The following SLC6A4 variants were observed in gnomAD, a reference collection of about 807,000 sequenced individuals.
The protein encoded by SLC6A4 is solute carrier family 6 member 4, also known as sodium-dependent serotonin transporter.
A neutral mutation model predicts 73.4 loss-of-function variants in SLC6A4; 22 were observed. That is an observed-to-expected ratio of 0.30 (90% CI 0.21 to 0.43). The LOEUF (loss-of-function observed/expected upper bound fraction) is 0.43. Ranked by LOEUF, SLC6A4 falls within the 20% of genes least tolerant of loss-of-function variation. The pLI is 1.00. For synonymous variants in SLC6A4, 270 were observed against 315.5 expected, an observed-to-expected ratio of 0.86 and a Z score of 1.53; for missense variants, 593 against 808.5, an observed-to-expected ratio of 0.73 and a Z score of 3.23.
At chr17:30,222,936 G>T (rs991792265) in intron 1 of SLC6A4, 21 bp from the exon 2 acceptor site, 3 of 876,090 alleles carry the variant, frequency 3.4e-6, no homozygotes, top group Middle Eastern at 2.6e-4. Flanking sequence ...GAGTGTGCAG[G>T]TTACTGATGC....
In SLC6A4 at chr17:30,214,422, C is replaced by CCAA; in HGVS notation, c.1076+1188_1076+1189insTTG. ...GGACAACAAGAGCGAAACTCCGTCT[C>CCAA]AAAAAAAAAAAAAAAAAAAGAAAAG... On this transcript the variant is annotated intron_variant, in intron 8 of 14. Coordinates refer to ENST00000650711, the MANE Select transcript of SLC6A4 (RefSeq NM_001045.6). Among the ~76,000 whole-genome samples, 3 of 79,492 alleles carry CCAA rather than the reference C, an allele frequency of 3.8e-5. No homozygotes were observed. The South Asian group carries it at 1.7e-3, about 44-fold the overall frequency. 52.1% of individuals were successfully genotyped at this position (79,492 alleles called of 152,430 possible). A position where few individuals can be genotyped will look rare whatever the true frequency, so the allele number is the denominator to read the frequency against.
chr17:30,223,709 G>C (rs1447431508), intron 1 of SLC6A4, among the ~76,000 whole-genome samples: 7 of 152,156 alleles, frequency 4.6e-5, no homozygotes, highest in Admixed American at 4.6e-4. Flanking sequence ...GTCTTGGGCT[G>C]TACCGCACTT....
intron 7 of SLC6A4, among the ~76,000 whole-genome samples, 179 bp from the exon 8 acceptor site, chr17:30,215,893 A>G (rs1312469096): frequency 6.6e-6 from 1 of 152,168 alleles, no homozygotes; most frequent in Non-Finnish European, 1.5e-5. Context: ...TTCTCTTCCT[A>G]TGATTCAGGC....
chr17:30,201,299 C>T (rs1434284919), intron 14 of SLC6A4, among the ~76,000 whole-genome samples: 2 of 152,168 alleles, frequency 1.3e-5, no homozygotes, highest in Admixed American at 6.5e-5. Context: ...TGGTCCTCAC[C>T]GACAGGGGTG....
chr17:30,217,051 G>T, intron 6 of SLC6A4, 115 bp downstream of exon 6: 1 of 904,026 alleles, frequency 1.1e-6, no homozygotes, highest in Non-Finnish European at 1.7e-6. Context: ...GGTGCATCAT[G>T]GAATGTGTTT....
chr17:30,231,003 C>T lies in SLC6A4; in HGVS notation c.-221+4610G>A, dbSNP rs148719495. On this transcript the variant is annotated intron_variant, in intron 1 of 14. Coordinates refer to ENST00000650711, the MANE Select transcript of SLC6A4 (RefSeq NM_001045.6). ...TCTCAGATATGCACTGAGATGAGAG[C>T]AAGAAAAACTTTCTGACCCCTAGTT... is the stretch of plus-strand genomic sequence containing the variant. Among the ~76,000 whole-genome samples the T allele has an allele frequency of 3.2e-3, 484 of 152,180 alleles. 2 individuals are homozygous for T. The highest frequency in any genetic ancestry group is 5.7e-3 in the Non-Finnish European group (390 of 68,010).
intron 1 of SLC6A4, among the ~76,000 whole-genome samples, chr17:30,230,833 G>C (rs1336310849): frequency 6.6e-6 from 1 of 152,148 alleles, no homozygotes; most frequent in East Asian, 1.9e-4. Context: ...TCAGCCACAA[G>C]GTGTTTGGAG....
At chr17:30,231,485 T>C (rs1597647870) in intron 1 of SLC6A4, among the ~76,000 whole-genome samples, 2 of 151,626 alleles carry the variant, frequency 1.3e-5, no homozygotes, top group East Asian at 3.9e-4. Flanking sequence ...ATATAGTGTG[T>C]ATATATATCT....
chr17:30,231,187 T>C (rs886493066), intron 1 of SLC6A4, among the ~76,000 whole-genome samples: 5 of 152,094 alleles, frequency 3.3e-5, no homozygotes, highest in Non-Finnish European at 7.4e-5. Context: ...AGGTCCTTGT[T>C]TGTTGGAAAT....
intron 3 of SLC6A4, 106 bp from the exon 4 acceptor site, chr17:30,219,037 G>A: frequency 1.4e-6 from 2 of 1,398,210 alleles, no homozygotes; most frequent in Middle Eastern, 2.5e-4. Flanking sequence ...TGAGTGTCAG[G>A]AGCCACCCTG....
chr17:30,214,999 C>CCTTT (rs1395281409), intron 8 of SLC6A4, among the ~76,000 whole-genome samples: 3,453 of 27,402 alleles, frequency 0.13, 151 homozygotes, highest in African/African-American at 0.25. Context: ...TTCCTTCCTT[C>CCTTT]CTTTCTTTCT....
In SLC6A4 at chr17:30,221,626, C is replaced by A. The variant is rs778131401; in HGVS notation, c.333G>T (p.Gln111His). 6.2e-7 allele frequency: 1 copy of A among 1,613,198 alleles called. No homozygotes were observed. The highest frequency in any genetic ancestry group is 8.5e-7 in the Non-Finnish European group (1 of 1,179,188). The change falls in exon 3 of 15, where the codon CAG becomes CAT. Residue 111 changes from glutamine to histidine, a missense_variant. Transcript: ENST00000650711. ...NVWRFPYICY[Q>H]NGGGAFLLPY... Reference sequence around the variant, plus strand: ...GCCTGTGATACTGACCCCCTCCATTCTGGTAACATATGTAGGGGAAGCGCC... The same window carrying A: ...GCCTGTGATACTGACCCCCTCCATTATGGTAACATATGTAGGGGAAGCGCC...
At position 30,211,210 on chromosome 17, in the gene SLC6A4, C is replaced by A; in HGVS notation, c.1317+102G>T. The A allele has an allele frequency of 1.3e-6, 1 of 759,020 alleles. No homozygotes were observed. Among genetic ancestry groups the A allele is most frequent in the South Asian group, 1.7e-5 (1 of 60,280 alleles). 47.0% of individuals were successfully genotyped at this position (759,020 alleles called of 1,614,324 possible). A position where few individuals can be genotyped will look rare whatever the true frequency, so the allele number is the denominator to read the frequency against. ...GAGCACCAGAAGGGAGTAGCCAAAG[C>A]TGCCTGGGATGGCCAGGGATGGGAG... On this transcript the variant is annotated intron_variant, in intron 10 of 14. Coordinates refer to ENST00000650711, the MANE Select transcript of SLC6A4 (RefSeq NM_001045.6). This position sits in a 1 kb window ranked among gnomAD's most constrained non-coding sequence, Gnocchi z 4.0.
intron 8 of SLC6A4, among the ~76,000 whole-genome samples, chr17:30,213,443 C>T (rs899766048): frequency 2.6e-5 from 4 of 151,804 alleles, no homozygotes; most frequent in Admixed American, 1.3e-4. Flanking sequence ...GCTGGGATTA[C>T]AGGCGCCCAC....
chr17:30,218,107 C>T lies in SLC6A4; in HGVS notation c.698+11G>A, dbSNP rs140699. 1.6e-3 allele frequency: 2,638 copies of T among 1,611,630 alleles called. 12 individuals are homozygous for T. The highest frequency in any genetic ancestry group is 5.6e-3 in the Middle Eastern group (34 of 6,038). On this transcript the variant is annotated intron_variant, in intron 5 of 14. Coordinates refer to ENST00000650711, the MANE Select transcript of SLC6A4 (RefSeq NM_001045.6). The stretch of plus-strand genomic sequence containing the variant: ...CCCTAACAGGCCAACCCCTCACTTA[C>T]GTGCACTTACGTGTAAAATTCTTCA...
chr17:30,204,314 T>C (rs1906124028), intron 13 of SLC6A4: 1 of 152,202 alleles, frequency 6.6e-6, no homozygotes, highest in African/African-American at 2.4e-5. Flanking sequence ...TTTCTTTGTC[T>C]GCAGGTAATA....
At chr17:30,224,935 G>C (rs182449759) in intron 1 of SLC6A4, among the ~76,000 whole-genome samples, 1 of 152,208 alleles carries the variant, frequency 6.6e-6, no homozygotes, top group East Asian at 1.9e-4. Flanking sequence ...AGAGTAATAC[G>C]CTGTTTCTAT....
chr17:30,216,957 C>T (rs1906596959), intron 6 of SLC6A4, among the ~76,000 whole-genome samples: 1 of 152,166 alleles, frequency 6.6e-6, no homozygotes, highest in Non-Finnish European at 1.5e-5. Context: ...ACCTCAGCCT[C>T]CCAAAGTGCT....
At chr17:30,230,739 T>C (rs1342151497) in intron 1 of SLC6A4, among the ~76,000 whole-genome samples, 1 of 150,814 alleles carries the variant, frequency 6.6e-6, no homozygotes, top group African/African-American at 2.4e-5. Flanking sequence ...GAAGGAGAGG[T>C]GAGGTCAGGT....
Sources: gnomAD v4.1 joint callset for allele counts (sites outside exome capture counted in the v4.1 genomes callset) on GRCh38, gnomAD v4.1.1 for gene constraint, Gnocchi (gnomAD v3.1) non-coding constraint, MANE v1.5 for transcripts, NCBI Gene and HGNC (gene_info 2026-07-23, HGNC 2026-07-21) for gene names.